EXPH5: variants seen among roughly 807,000 people sequenced by gnomAD.
The protein encoded by EXPH5 is exophilin-5.
In EXPH5, 42 loss-of-function variants were observed where a neutral mutation model predicts 41.1. The observed-to-expected ratio is 1.02, with a 90% CI of 0.80 to 1.32. The LOEUF is 1.32. Among genes scored for constraint, EXPH5 ranks in the 40% most tolerant of loss-of-function variants. The probability of loss-of-function intolerance (pLI) is 0.00; values close to 1 mark genes in which losing one functional copy is unlikely to be tolerated. For missense variants in EXPH5, 2,298 were observed against 2,314.5 expected, an observed-to-expected ratio of 0.99 and a Z score of 0.15; for synonymous variants, 798 against 833.5, an observed-to-expected ratio of 0.96 and a Z score of 0.73.
At chr11:108,519,620 T>C (rs905290363) in intron 4 of EXPH5, among the ~76,000 whole-genome samples, 2 of 151,750 alleles carry the variant, frequency 1.3e-5, no homozygotes, top group Non-Finnish European at 2.9e-5. Context: ...TGGTGGCGAG[T>C]GCCTGTAATC....
Position 108,512,179 on chromosome 11 carries a change from C to T in EXPH5, c.3328G>A (p.Val1110Ile), listed in dbSNP as rs568354887. The change falls in exon 6 of 6, where the codon GTT (valine) becomes ATT (isoleucine). Residue 1110 changes from valine (V) to isoleucine (I), a missense_variant. Coordinates refer to ENST00000265843, the MANE Select transcript of EXPH5 (RefSeq NM_015065.3). ...AGGAATGGAAGTGGTCCTTTTCTAA[C>T]GGAAGTAGATCCACTGCTTTTTACA... ...TNVKSSGSTSVRKGPLPFLIN... is the reference protein window; with the variant it reads ...TNVKSSGSTSIRKGPLPFLIN... 3.7e-5 allele frequency: 59 copies of T among 1,611,370 alleles called. No individual in the cohort carries two copies. The highest frequency in any genetic ancestry group is 3.3e-4 in the Middle Eastern group (2 of 6,052).
chr11:108,573,139 G>GGAAAGAAAGAAAGAAAGAAA (rs3054581), intron 1 of EXPH5, among the ~76,000 whole-genome samples: 120 of 90,550 alleles, frequency 1.3e-3, no homozygotes, highest in Middle Eastern at 5.1e-3. Context: ...AAGGAAAGAA[G>GGAAAGAAAGAAAGAAAGAAA]GAAAGAAAGA....
chr11:108,556,095 T>G (rs538604553), intron 1 of EXPH5, among the ~76,000 whole-genome samples: 1 of 152,216 alleles, frequency 6.6e-6, no homozygotes, highest in Non-Finnish European at 1.5e-5. Flanking sequence ...TTGAGTAGCA[T>G]CTTGCCTGGC....
intron 1 of EXPH5, among the ~76,000 whole-genome samples, chr11:108,560,123 G>A (rs896229770): frequency 1.1e-4 from 17 of 152,164 alleles, no homozygotes; most frequent in Admixed American, 5.9e-4. Flanking sequence ...AGAAAGCTGA[G>A]GAAATGCCTG....
chr11:108,594,714 G>C (rs1309964715), upstream of EXPH5, among the ~76,000 whole-genome samples: 2 of 152,152 alleles, frequency 1.3e-5, no homozygotes, highest in African/African-American at 4.8e-5. Flanking sequence ...TTTGAAGATG[G>C]TGGTGATGAT....
the EXPH5 span, among the ~76,000 whole-genome samples, chr11:108,604,227 CAA>C: frequency 9.1e-6 from 1 of 109,734 alleles, no homozygotes; most frequent in African/African-American, 3.6e-5. Context: ...CCCATCTCTA[CAA>C]AAAAAAAAAA....
At chr11:108,571,274 C>T (rs747255434) in intron 1 of EXPH5, among the ~76,000 whole-genome samples, 5 of 152,296 alleles carry the variant, frequency 3.3e-5, no homozygotes, top group Non-Finnish European at 5.9e-5. Context: ...TATTGGCCTT[C>T]CCAGTTACCT....
At chr11:108,538,213 T>G (rs1409546641) in intron 3 of EXPH5, 11 of 985,328 alleles carry the variant, frequency 1.1e-5, no homozygotes, top group Non-Finnish European at 1.3e-5. Context: ...TATTTAGTGC[T>G]GCAATACACC....
intron 1 of EXPH5, among the ~76,000 whole-genome samples, chr11:108,571,738 C>A (rs1021653282): frequency 1.3e-5 from 2 of 152,144 alleles, no homozygotes; most frequent in African/African-American, 4.8e-5. Context: ...GGGAACCACA[C>A]ATAAAATACA....
At chr11:108,540,978 C>A (rs1258603049) in intron 2 of EXPH5, among the ~76,000 whole-genome samples, 3 of 152,106 alleles carry the variant, frequency 2.0e-5, no homozygotes, top group African/African-American at 7.2e-5. Context: ...GATCTCAGCT[C>A]ACTGCAACCT....
Position 108,539,190 on chromosome 11 carries a change from G to GAA in EXPH5, c.281-6_281-5dup. 1 of 1,537,518 alleles carries GAA rather than the reference G, an allele frequency of 6.5e-7. No homozygotes were observed. Among genetic ancestry groups the GAA allele is most frequent in the Non-Finnish European group, 8.8e-7 (1 of 1,138,994 alleles). On this transcript the variant is annotated splice_polypyrimidine_tract_variant and splice_region_variant and intron_variant, in intron 2 of 5. Transcript: ENST00000265843. The stretch of plus-strand genomic sequence containing the variant: ...GATGTAGGTAATTCTATCGGATCTA[G>GAA]AAAAAAAAATTGTAAAAATTTTGCA...
At chr11:108,550,853 AC>A (rs1305432622) in intron 1 of EXPH5, among the ~76,000 whole-genome samples, 2 of 152,160 alleles carry the variant, frequency 1.3e-5, no homozygotes, top group Non-Finnish European at 2.9e-5. Context: ...ATTGAAAAAA[AC>A]ATGGATACAG....
At chr11:108,527,577 T>A (rs560282657) in intron 4 of EXPH5, among the ~76,000 whole-genome samples, 1 of 152,156 alleles carries the variant, frequency 6.6e-6, no homozygotes, top group Non-Finnish European at 1.5e-5. Flanking sequence ...CACAGGAATG[T>A]GTAGATCAAA....
rs1218845928 is a variant in EXPH5 at position 108,507,415 on chromosome 11, A to G, written c.*2122T>C. On this transcript the variant is annotated 3_prime_UTR_variant, in exon 6 of 6. Transcript: ENST00000265843. ...ATAATGATGAAACAGACTAGGTATA[A>G]AAAATGGAAAATTAGATTAGGTCGC... 2 of 152,260 alleles carry G rather than the reference A, an allele frequency of 1.3e-5. No homozygotes were observed. Among genetic ancestry groups the G allele is most frequent in the Non-Finnish European group, 2.9e-5 (2 of 68,042 alleles). 9.4% of individuals were successfully genotyped at this position (152,260 alleles called of 1,614,324 possible). A position where few individuals can be genotyped will look rare whatever the true frequency, so the allele number is the denominator to read the frequency against.
chr11:108,506,525 A>G lies in EXPH5; in HGVS notation c.*3012T>C, dbSNP rs557037967. On this transcript the variant is annotated 3_prime_UTR_variant, in exon 6 of 6. Transcript: ENST00000265843. Reference sequence around the variant, plus strand: ...CCTAAACTCACTGAAAAATAAGCTAACTTCATTTCACCTTTTGTAGCATAC... The same window carrying G: ...CCTAAACTCACTGAAAAATAAGCTAGCTTCATTTCACCTTTTGTAGCATAC... The G allele has an allele frequency of 3.3e-5, 5 of 152,256 alleles. No individual in the cohort carries two copies. The highest frequency in any genetic ancestry group is 3.3e-4 in the Admixed American group (5 of 15,278). 9.4% of individuals were successfully genotyped at this position (152,256 alleles called of 1,614,324 possible).
chr11:108,566,839 G>A (rs1302752788), intron 1 of EXPH5, among the ~76,000 whole-genome samples: 2 of 152,148 alleles, frequency 1.3e-5, no homozygotes, highest in African/African-American at 2.4e-5. Context: ...ACTTGGAGGG[G>A]AAACTAAAGA....
Position 108,554,598 on chromosome 11 carries a change from A to C in EXPH5, c.120-12786T>G, listed in dbSNP as rs539668509. On this transcript the variant is annotated intron_variant, in intron 1 of 5. Coordinates refer to ENST00000265843, the MANE Select transcript of EXPH5 (RefSeq NM_015065.3). ...TTGGGGGTGGGAATTATGTATCACCACTCCCAACACAAAAGAGATCTATGG... is the reference window on the plus strand; with the variant it reads ...TTGGGGGTGGGAATTATGTATCACCCCTCCCAACACAAAAGAGATCTATGG... 5.9e-5 allele frequency among the ~76,000 whole-genome samples: 9 copies of C among 151,882 alleles called. 1 individual carries two copies. The South Asian group carries it at 1.9e-3, about 32-fold the overall frequency.
chr11:108,579,107 T>A (rs1423203987), intron 1 of EXPH5, among the ~76,000 whole-genome samples: 1 of 152,180 alleles, frequency 6.6e-6, no homozygotes, highest in African/African-American at 2.4e-5. Flanking sequence ...GGCTTTCAGT[T>A]TTCCCCCACT....
At chr11:108,556,409 C>G (rs2093990191) in intron 1 of EXPH5, among the ~76,000 whole-genome samples, 1 of 152,052 alleles carries the variant, frequency 6.6e-6, no homozygotes, top group Admixed American at 6.5e-5. Context: ...TTGGGACCTA[C>G]TACAGGAGAA....
Sources: gnomAD v4.1 joint callset for allele counts (sites outside exome capture counted in the v4.1 genomes callset) on GRCh38, gnomAD v4.1.1 for gene constraint, MANE v1.5 for transcripts, NCBI Gene and HGNC (gene_info 2026-07-23, HGNC 2026-07-21) for gene names.